Variants in ASL observed in about 807,000 individuals in gnomAD.
ASL encodes argininosuccinate lyase.
A neutral mutation model predicts 69.1 loss-of-function variants in ASL; 51 were observed. The observed-to-expected ratio is 0.74, with a 90% CI of 0.59 to 0.93. The LOEUF is 0.93. Among genes scored for constraint, ASL ranks in the 40% least tolerant of loss-of-function variants. ASL has a pLI of 0.00. For synonymous variants in ASL, 241 were observed against 247.6 expected (o/e 0.97, Z 0.25); for missense variants, 540 against 623.9 (o/e 0.87, Z 1.43).
chr7:66,079,653 T>C (rs1288477318), intron 2 of ASL, among the ~76,000 whole-genome samples: 1 of 152,168 alleles, frequency 6.6e-6, no homozygotes. Flanking sequence ...AGAGTTTTGC[T>C]CTGTCACCTA....
intron 14 of ASL, 139 bp from the exon 15 acceptor site, chr7:66,091,867 T>G: frequency 2.5e-6 from 2 of 810,492 alleles, no homozygotes; most frequent in Non-Finnish European, 4.3e-6. Flanking sequence ...TGGTTCAAGT[T>G]GAGAGTGAGA....
chr7:66,084,952 C>T (rs981926780), intron 6 of ASL, among the ~76,000 whole-genome samples: 7 of 151,784 alleles, frequency 4.6e-5, no homozygotes, highest in African/African-American at 1.7e-4. Context: ...GAAACAGGGT[C>T]TCACTATGTG....
Position 66,086,777 on chromosome 7 carries a change from G to A in ASL, c.558G>A (p.Arg186=). ...TGGCACTGACCCGAGACTCTGAGCGGCTGCTGGAGGTGCGGAAGCGGATCA... is the reference window on the plus strand; with the variant it reads ...TGGCACTGACCCGAGACTCTGAGCGACTGCTGGAGGTGCGGAAGCGGATCA... The part of the protein sequence containing the change: ...HAVALTRDSE[R]LLEVRKRINV... Residue 186 remains arginine, a synonymous_variant, in exon 8 of 17, where the codon CGG becomes CGA. Transcript: ENST00000304874. The A allele has an allele frequency of 6.3e-7, 1 of 1,598,184 alleles. No homozygotes were observed. Among genetic ancestry groups the A allele is most frequent in the Non-Finnish European group, 8.5e-7 (1 of 1,172,970 alleles).
chr7:66,080,528 G>T (rs1035350547), intron 2 of ASL, among the ~76,000 whole-genome samples: 5 of 151,716 alleles, frequency 3.3e-5, no homozygotes, highest in African/African-American at 1.2e-4. Context: ...TTCGAGACCA[G>T]CCTGACCAAC....
At chr7:66,082,328 C>T (rs1786528989) in intron 3 of ASL, 40 bp from the exon 4 acceptor site, 4 of 1,574,958 alleles carry the variant, frequency 2.5e-6, no homozygotes, top group Non-Finnish European at 3.5e-6. Context: ...GCTGCTGATG[C>T]CTGCTCACCT....
At chr7:66,080,184 C>A (rs1043310573) in intron 2 of ASL, among the ~76,000 whole-genome samples, 1 of 151,464 alleles carries the variant, frequency 6.6e-6, no homozygotes, top group Non-Finnish European at 1.5e-5. Flanking sequence ...TTAAGACCAT[C>A]CTGGCTAACA....
At chr7:66,082,681 T>G (rs887932329) in intron 4 of ASL, among the ~76,000 whole-genome samples, 199 bp from the exon 5 acceptor site, 3 of 151,186 alleles carry the variant, frequency 2.0e-5, no homozygotes, top group Non-Finnish European at 4.4e-5. Context: ...GGCAACATAA[T>G]GAGGTCCCAC....
Position 66,093,050 on chromosome 7 carries a change from G to C in ASL, c.*138G>C. 2 of 1,412,558 alleles carry C rather than the reference G, an allele frequency of 1.4e-6. No individual in the cohort carries two copies. Among genetic ancestry groups the C allele is most frequent in the Non-Finnish European group, 1.9e-6 (2 of 1,040,980 alleles). 87.5% of individuals were successfully genotyped at this position (1,412,558 alleles called of 1,614,324 possible). A position where few individuals can be genotyped will look rare whatever the true frequency, so the allele number is the denominator to read the frequency against. On this transcript the variant is annotated 3_prime_UTR_variant, in exon 17 of 17. Transcript: ENST00000304874. ...AGTCAGGGACTGGAGAGGCAGGGCA[G>C]GGTGGCCTGTAATCCCAGCACTTTG...
intron 2 of ASL, among the ~76,000 whole-genome samples, chr7:66,079,209 G>A (rs552339649): frequency 6.6e-6 from 1 of 151,944 alleles, no homozygotes; most frequent in Non-Finnish European, 1.5e-5. Context: ...GAGCCACCAC[G>A]CCCAGCCCCT....
In ASL at chr7:66,076,830, G is replaced by A. The variant is rs145573244; in HGVS notation, c.12+737G>A. On this transcript the variant is annotated intron_variant, in intron 2 of 16. Coordinates refer to ENST00000304874, the MANE Select transcript of ASL (RefSeq NM_000048.4). ...ACCCTTCAGGTGAGAGGGGCTGTTC[G>A]CCTGATGCTTGATGAAGGGAACTCC... Among the ~76,000 whole-genome samples, 298 of 152,284 alleles carry A rather than the reference G, an allele frequency of 2.0e-3. 1 individual carries two copies. Among genetic ancestry groups the A allele is most frequent in the African/African-American group, 6.7e-3 (277 of 41,562 alleles).
intron 2 of ASL, among the ~76,000 whole-genome samples, chr7:66,077,557 C>T (rs143719948): frequency 0.013 from 2,033 of 152,118 alleles, 59 homozygotes; most frequent in African/African-American, 0.046. Context: ...GGTGAAACCC[C>T]GTCTCTACTA....
chr7:66,080,226 A>T (rs1263732179), intron 2 of ASL, among the ~76,000 whole-genome samples: 3 of 151,474 alleles, frequency 2.0e-5, no homozygotes, highest in African/African-American at 7.3e-5. Flanking sequence ...GAAAAAAAAA[A>T]ATACAAAAAA....
chr7:66,084,106 G>A (rs1489671339), intron 6 of ASL, among the ~76,000 whole-genome samples: 1 of 152,134 alleles, frequency 6.6e-6, no homozygotes, highest in Non-Finnish European at 1.5e-5. Context: ...GAGGAACAGG[G>A]AGTGTCTGCT....
At chr7:66,091,972 C>T (rs753137482) in intron 14 of ASL, 34 bp from the exon 15 acceptor site, 9 of 1,610,872 alleles carry the variant, frequency 5.6e-6, no homozygotes, top group Non-Finnish European at 7.6e-6. Flanking sequence ...CCCAGGGTCC[C>T]CAGGGCTCAC....
At chr7:66,081,707 T>TA in intron 2 of ASL, 96 bp from the exon 3 acceptor site, 1 of 1,406,788 alleles carries the variant, frequency 7.1e-7, no homozygotes, top group Admixed American at 2.2e-5. Flanking sequence ...ATGCCCCTGC[T>TA]ACCATCAGAC....
In ASL at chr7:66,086,671, G is replaced by A; in HGVS notation, c.524+9G>A. Reference sequence around the variant, plus strand: ...AGCCACTGGATTCTGAGGTGAGCCAGGTGAGGTGCAGGGGCTGTGCTAGAG... The same window carrying A: ...AGCCACTGGATTCTGAGGTGAGCCAAGTGAGGTGCAGGGGCTGTGCTAGAG... On this transcript the variant is annotated intron_variant, in intron 7 of 16. Transcript: ENST00000304874. 1.2e-6 allele frequency: 2 copies of A among 1,613,796 alleles called. No individual in the cohort carries two copies. Among genetic ancestry groups the A allele is most frequent in the Non-Finnish European group, 1.7e-6 (2 of 1,180,020 alleles).
chr7:66,091,221 G>A (rs1786835166), intron 14 of ASL, among the ~76,000 whole-genome samples: 1 of 151,880 alleles, frequency 6.6e-6, no homozygotes, highest in African/African-American at 2.4e-5. Flanking sequence ...GGCTGAATCA[G>A]AGACTCTGGG....
At chr7:66,082,338 T>C (rs1016374064) in intron 3 of ASL, 30 bp from the exon 4 acceptor site, 3 of 1,594,528 alleles carry the variant, frequency 1.9e-6, no homozygotes, top group African/African-American at 1.3e-5. Context: ...CCTGCTCACC[T>C]GACCCCGGCA....
At position 66,085,421 on chromosome 7, in the gene ASL, G is replaced by A. The variant is rs569504622; in HGVS notation, c.447-1164G>A. On this transcript the variant is annotated intron_variant, in intron 6 of 16. Coordinates refer to ENST00000304874, the MANE Select transcript of ASL (RefSeq NM_000048.4). ...TGGGAGGTGGAGGTTGTAGTGAGCC[G>A]AGATCACGCCACTGCATTCCAGCCT... Among the ~76,000 whole-genome samples the A allele has an allele frequency of 1.2e-4, 18 of 152,008 alleles. No individual in the cohort carries two copies. The East Asian group carries it at 3.1e-3, about 26-fold the overall frequency.
Sources: gnomAD v4.1 joint callset for allele counts (sites outside exome capture counted in the v4.1 genomes callset) on GRCh38, gnomAD v4.1.1 for gene constraint, MANE v1.5 for transcripts, NCBI Gene and HGNC (gene_info 2026-07-23, HGNC 2026-07-21) for gene names.